The following CALCB variants were observed in gnomAD, a reference collection of about 807,000 sequenced individuals.
CALCB encodes the protein calcitonin related polypeptide beta.
A neutral mutation model predicts 10.7 loss-of-function variants in CALCB; 8 were observed. The observed-to-expected ratio is 0.75, with a 90% CI of 0.44 to 1.34. CALCB has a LOEUF of 1.34. Among genes scored for constraint, CALCB ranks in the 40% most tolerant of loss-of-function variants. The pLI is 0.01. For missense variants in CALCB, 176 were observed against 162.5 expected (o/e 1.08, Z -0.45); for synonymous variants, 76 against 66.9 (o/e 1.14, Z -0.66).
At chr11:15,078,004 T>C (rs1237517959) in intron 4 of CALCB, 79 bp from the exon 5 acceptor site, 2 of 152,274 alleles carry the variant, frequency 1.3e-5, no homozygotes, top group East Asian at 3.9e-4. Context: ...CTCTTCCTTC[T>C]CCTTTTCATC....
chr11:15,075,966 A>G (rs941757125), intron 3 of CALCB, among the ~76,000 whole-genome samples: 1 of 151,996 alleles, frequency 6.6e-6, no homozygotes, highest in Admixed American at 6.5e-5. Context: ...AGAAAAGATC[A>G]TCCTTCCTCA....
Position 15,078,222 on chromosome 11 carries a change from T to C in CALCB, c.*165T>C, listed in dbSNP as rs1280717933. 6.6e-6 allele frequency: 1 copy of C among 152,220 alleles called. No homozygotes were observed. The highest frequency in any genetic ancestry group is 2.4e-5 in the African/African-American group (1 of 41,456). The allele number at this position is 152,220 out of a possible 1,614,324, so 9.4% of individuals were successfully genotyped here. A position where few individuals can be genotyped will look rare whatever the true frequency, so the allele number is the denominator to read the frequency against. ...CTTTGTCACTTGAAAGGAATGAAAC[T>C]GAATGCAAAATAAGCTAATTCCATA... On this transcript the variant is annotated 3_prime_UTR_variant, in exon 5 of 5. Coordinates refer to ENST00000324229, the MANE Select transcript of CALCB (RefSeq NM_000728.4).
intron 3 of CALCB, among the ~76,000 whole-genome samples, chr11:15,076,293 G>A (rs75075627): frequency 1.5e-3 from 234 of 152,242 alleles, no homozygotes; most frequent in African/African-American, 5.3e-3. Flanking sequence ...TGAAATTCCT[G>A]GCAAGAATAG....
At chr11:15,076,761 G>C (rs1850399079) in intron 3 of CALCB, among the ~76,000 whole-genome samples, 1 of 152,202 alleles carries the variant, frequency 6.6e-6, no homozygotes, top group Admixed American at 6.5e-5. Context: ...CTCAGAAGTA[G>C]CCTTAGCTTC....
intron 1 of CALCB, among the ~76,000 whole-genome samples, chr11:15,074,086 G>C: frequency 6.6e-6 from 1 of 152,236 alleles, no homozygotes; most frequent in Non-Finnish European, 1.5e-5. Flanking sequence ...GAGCCTTCCC[G>C]GGATTCCGGT....
chr11:15,076,339 C>T (rs752896630), intron 3 of CALCB, among the ~76,000 whole-genome samples: 4 of 152,220 alleles, frequency 2.6e-5, no homozygotes, highest in African/African-American at 2.4e-5. Context: ...GACCACTACC[C>T]GACTCCAGGG....
intron 3 of CALCB, 41 bp downstream of exon 3, chr11:15,075,239 C>A: frequency 6.2e-7 from 1 of 1,612,992 alleles, no homozygotes; most frequent in South Asian, 1.1e-5. Flanking sequence ...CTCCTCTCCC[C>A]GCAGCATACA....
At chr11:15,076,764 T>G (rs1324760801) in intron 3 of CALCB, among the ~76,000 whole-genome samples, 1 of 152,218 alleles carries the variant, frequency 6.6e-6, no homozygotes, top group Admixed American at 6.5e-5. Flanking sequence ...AGAAGTAGCC[T>G]TAGCTTCAGG....
In CALCB at chr11:15,075,047, C is replaced by G. The variant is rs1258087034; in HGVS notation, c.87-14C>G. The G allele has an allele frequency of 6.2e-7, 1 of 1,614,168 alleles. No homozygotes were observed. Among genetic ancestry groups the G allele is most frequent in the Admixed American group, 1.7e-5 (1 of 60,030 alleles). Reference sequence around the variant, plus strand: ...GGGCTCACAGCCTGCAAGGAGTTTGCTTCCCTTCCACAGGTCTGCCCTGGA... The same window carrying G: ...GGGCTCACAGCCTGCAAGGAGTTTGGTTCCCTTCCACAGGTCTGCCCTGGA... On this transcript the variant is annotated splice_polypyrimidine_tract_variant and intron_variant, in intron 2 of 4. Coordinates refer to ENST00000324229, the MANE Select transcript of CALCB (RefSeq NM_000728.4).
In CALCB at chr11:15,078,606, T is replaced by C. The variant is rs1850416572; in HGVS notation, c.*549T>C. ...TATGTAATAATAATGATGATGATGA[T>C]GATAATAATAAATATTTTTGAGTGC... On this transcript the variant is annotated 3_prime_UTR_variant, in exon 5 of 5. Transcript: ENST00000324229. The C allele has an allele frequency of 1.3e-5, 2 of 152,376 alleles. No individual in the cohort carries two copies. The highest frequency in any genetic ancestry group is 2.1e-4 in the South Asian group (1 of 4,830). 9.4% of individuals were successfully genotyped at this position (152,376 alleles called of 1,614,324 possible).
At chr11:15,075,343 G>C in intron 3 of CALCB, 145 bp downstream of exon 3, 2 of 1,374,534 alleles carry the variant, frequency 1.5e-6, no homozygotes, top group Non-Finnish European at 2.0e-6. Flanking sequence ...CAAGTTCCAA[G>C]GGAGACAGAG....
intron 3 of CALCB, among the ~76,000 whole-genome samples, chr11:15,075,914 C>G (rs970653408): frequency 1.3e-5 from 2 of 152,190 alleles, no homozygotes; most frequent in Non-Finnish European, 2.9e-5. Context: ...ACCCCGAGAA[C>G]CTCTCTGTTG....
intron 3 of CALCB, among the ~76,000 whole-genome samples, chr11:15,076,963 G>A (rs1026534141): frequency 1.3e-5 from 2 of 152,158 alleles, no homozygotes; most frequent in East Asian, 1.9e-4. Flanking sequence ...TGTGGCTGGG[G>A]TATGGTCTCT....
At chr11:15,075,392 C>T (rs533511458) in intron 3 of CALCB, among the ~76,000 whole-genome samples, 194 bp downstream of exon 3, 8 of 152,246 alleles carry the variant, frequency 5.3e-5, no homozygotes, top group African/African-American at 1.9e-4. Context: ...TGGTTAGACA[C>T]AATAAAAAGC....
At position 15,077,475 on chromosome 11, in the gene CALCB, C is replaced by T; in HGVS notation, c.*25+5C>T. ...ATGAATGACTCCAGGAAGAAGGTAA[C>T]TACCCTAATGCTATGGGATAAGAGG... On this transcript the variant is annotated splice_donor_5th_base_variant and intron_variant, in intron 4 of 4. Transcript: ENST00000324229. 1 of 1,613,130 alleles carries T rather than the reference C, an allele frequency of 6.2e-7. No individual in the cohort carries two copies. Among genetic ancestry groups the T allele is most frequent in the Non-Finnish European group, 8.5e-7 (1 of 1,179,598 alleles).
chr11:15,074,238 G>A (rs1850373700), intron 1 of CALCB, among the ~76,000 whole-genome samples: 1 of 152,258 alleles, frequency 6.6e-6, no homozygotes, highest in Non-Finnish European at 1.5e-5. Flanking sequence ...TAACTGGCAC[G>A]TTAAAAATTT....
chr11:15,074,679 G>T (rs1042750594), intron 1 of CALCB, 31 bp from the exon 2 acceptor site: 1 of 1,539,466 alleles, frequency 6.5e-7, no homozygotes, highest in Non-Finnish European at 9.0e-7. Flanking sequence ...ATCTGTGCTG[G>T]TGCAGTAGTA....
At chr11:15,077,224 A>G in intron 3 of CALCB, 62 bp from the exon 4 acceptor site, 1 of 1,575,464 alleles carries the variant, frequency 6.3e-7, no homozygotes, top group Middle Eastern at 1.8e-4. Flanking sequence ...TCTCTTCATG[A>G]AGGCTCCTCC....
intron 3 of CALCB, 36 bp from the exon 4 acceptor site, chr11:15,077,250 A>T: frequency 6.2e-7 from 1 of 1,607,436 alleles, no homozygotes; most frequent in Non-Finnish European, 8.5e-7. Context: ...CTTTTCACTC[A>T]CAGGTCTTCT....
Sources: gnomAD v4.1 joint callset for allele counts (sites outside exome capture counted in the v4.1 genomes callset) on GRCh38, gnomAD v4.1.1 for gene constraint, MANE v1.5 for transcripts, NCBI Gene and HGNC (gene_info 2026-07-23, HGNC 2026-07-21) for gene names.